Variants in RGS7 observed in about 807,000 individuals in gnomAD.
RGS7 encodes the protein regulator of G protein signaling 7, also known as regulator of G-protein signaling 7.
A neutral mutation model predicts 81.1 loss-of-function variants in RGS7; 27 were observed. The observed-to-expected ratio is 0.33, with a 90% CI of 0.25 to 0.46. The LOEUF (loss-of-function observed/expected upper bound fraction) is 0.46, where lower values mean the gene tolerates loss of function less well. Among genes scored for constraint, RGS7 ranks in the 20% least tolerant of loss-of-function variants. RGS7 has a pLI of 1.00. For synonymous variants in RGS7, 208 were observed against 207.7 expected (o/e 1.00, Z -0.01); for missense variants, 396 against 607.4 (o/e 0.65, Z 3.66).
chr1:241,035,360 T>TAA (rs34813230), intron 3 of RGS7, among the ~76,000 whole-genome samples: 40 of 150,484 alleles, frequency 2.7e-4, no homozygotes, highest in East Asian at 7.8e-4. Context: ...CATAAGGAAG[T>TAA]AAAAAAAAAA....
At chr1:241,040,915 G>A (rs2060583427) in intron 3 of RGS7, among the ~76,000 whole-genome samples, 1 of 152,106 alleles carries the variant, frequency 6.6e-6, no homozygotes, top group East Asian at 1.9e-4. Context: ...TCTTCCCTGG[G>A]AACATGCACG....
chr1:240,852,560 TA>T (rs909496486), intron 9 of RGS7, among the ~76,000 whole-genome samples: 3 of 152,148 alleles, frequency 2.0e-5, no homozygotes, highest in Non-Finnish European at 4.4e-5. Flanking sequence ...GTACCAGGAA[TA>T]AAACCTGGTA....
At chr1:241,242,505 G>A (rs994046516) in intron 2 of RGS7, among the ~76,000 whole-genome samples, 1 of 152,162 alleles carries the variant, frequency 6.6e-6, no homozygotes, top group Non-Finnish European at 1.5e-5. Context: ...TAGTAGGATT[G>A]CTGGATTCAA....
chr1:241,153,745 A>G (rs1431877619), intron 2 of RGS7, among the ~76,000 whole-genome samples: 3 of 152,212 alleles, frequency 2.0e-5, no homozygotes, highest in Admixed American at 6.5e-5. Context: ...CTATGTTTCA[A>G]TTTGTCCAGA....
chr1:240,864,548 G>T (rs972622298), intron 9 of RGS7, among the ~76,000 whole-genome samples: 2 of 152,168 alleles, frequency 1.3e-5, no homozygotes, highest in Admixed American at 1.3e-4. Flanking sequence ...ACAAAGAAAG[G>T]CTGCTTTGTT....
chr1:241,181,021 A>G (rs1384514818), intron 2 of RGS7, among the ~76,000 whole-genome samples: 1 of 152,226 alleles, frequency 6.6e-6, no homozygotes, highest in Non-Finnish European at 1.5e-5. Context: ...TATGGAGACA[A>G]TAAAATGATT....
At chr1:241,179,487 C>G (rs545204677) in intron 2 of RGS7, among the ~76,000 whole-genome samples, 12 of 152,306 alleles carry the variant, frequency 7.9e-5, no homozygotes, top group Non-Finnish European at 1.8e-4. Context: ...AAACAGGCAG[C>G]TGGCGACTAA....
At chr1:241,314,749 A>G (rs145177631) in intron 2 of RGS7, among the ~76,000 whole-genome samples, 64 of 152,336 alleles carry the variant, frequency 4.2e-4, no homozygotes, top group African/African-American at 1.4e-3. Context: ...TCGGGCCCAG[A>G]CACCATCGGA....
chr1:241,056,135 T>C (rs528707100), intron 3 of RGS7, among the ~76,000 whole-genome samples: 1 of 152,274 alleles, frequency 6.6e-6, no homozygotes, highest in Admixed American at 6.5e-5. Flanking sequence ...ACAACCTCAC[T>C]AACATTCACT....
At chr1:240,881,367 G>A (rs1013450375) in intron 6 of RGS7, among the ~76,000 whole-genome samples, 6 of 151,830 alleles carry the variant, frequency 4.0e-5, no homozygotes, top group African/African-American at 1.5e-4. Context: ...GGGGGCTAGG[G>A]GAAGGATAGT....
At chr1:241,170,744 T>C (rs977920840) in intron 2 of RGS7, among the ~76,000 whole-genome samples, 5 of 152,204 alleles carry the variant, frequency 3.3e-5, no homozygotes, top group Non-Finnish European at 7.3e-5. Context: ...GATTTCACTC[T>C]ATTTTTGTAG....
At chr1:241,131,475 C>T (rs1290237568) in intron 2 of RGS7, among the ~76,000 whole-genome samples, 1 of 152,118 alleles carries the variant, frequency 6.6e-6, no homozygotes, top group African/African-American at 2.4e-5. Context: ...ATTTCTCAGG[C>T]TACACTGGCT....
chr1:241,108,064 G>A (rs1356437961), intron 2 of RGS7, among the ~76,000 whole-genome samples: 1 of 152,126 alleles, frequency 6.6e-6, no homozygotes, highest in African/African-American at 2.4e-5. Context: ...GGATGCCGAG[G>A]CGGGTGGATC....
At chr1:241,293,054 C>T (rs527936416) in intron 2 of RGS7, among the ~76,000 whole-genome samples, 9 of 152,238 alleles carry the variant, frequency 5.9e-5, no homozygotes, top group South Asian at 2.1e-4. Flanking sequence ...TTTGCACATG[C>T]GGTACATATA....
intron 9 of RGS7, among the ~76,000 whole-genome samples, chr1:240,856,079 T>A (rs1477611059): frequency 6.6e-6 from 1 of 152,006 alleles, no homozygotes; most frequent in Non-Finnish European, 1.5e-5. Flanking sequence ...ATTCAGAATA[T>A]CAAAATTTAT....
chr1:240,849,538 A>G (rs1659709197), intron 9 of RGS7, among the ~76,000 whole-genome samples: 1 of 152,194 alleles, frequency 6.6e-6, no homozygotes, highest in South Asian at 2.1e-4. Flanking sequence ...TTGAAAGGGA[A>G]TCCCCAGTGT....
In RGS7 at chr1:241,271,213, G is replaced by A. The variant is rs2077880062; in HGVS notation, c.78+84486C>T. 6.6e-6 allele frequency among the ~76,000 whole-genome samples: 1 copy of A among 152,118 alleles called. No individual in the cohort carries two copies. The highest frequency in any genetic ancestry group is 6.5e-5 in the Admixed American group (1 of 15,280). On this transcript the variant is annotated intron_variant, in intron 2 of 18. Coordinates refer to ENST00000440928, the MANE Select transcript of RGS7 (RefSeq NM_001364886.1). The surrounding 1 kb of genome is among the most constrained non-coding windows in gnomAD (Gnocchi z 4.6). ...GCTAAACAGTTCAAAATCTTGAACA[G>A]ATCTTATCACCCTTAAAGTATTATG...
At chr1:241,158,494 A>C (rs1455057372) in intron 2 of RGS7, among the ~76,000 whole-genome samples, 3 of 152,210 alleles carry the variant, frequency 2.0e-5, no homozygotes, top group Non-Finnish European at 4.4e-5. Context: ...CTTTCTTCAC[A>C]TCTTTTTAGT....
At chr1:241,245,547 G>A (rs2686220) in intron 2 of RGS7, among the ~76,000 whole-genome samples, 21,924 of 151,318 alleles carry the variant, frequency 0.14, 1,800 homozygotes, top group African/African-American at 0.22. Context: ...AGTGGCTCAC[G>A]CCTATAATCC....
Sources: allele counts gnomAD v4.1 joint callset (sites outside exome capture counted in the v4.1 genomes callset), GRCh38; gene constraint gnomAD v4.1.1; non-coding constraint Gnocchi (gnomAD v3.1); transcripts MANE v1.5; gene names NCBI Gene and HGNC (gene_info 2026-07-23, HGNC 2026-07-21).